The following SPINT2 variants were observed in gnomAD, a reference collection of about 807,000 sequenced individuals.
SPINT2 encodes the protein serine peptidase inhibitor, Kunitz type 2.
In SPINT2, 18 loss-of-function variants were observed where a neutral mutation model predicts 30.1. The ratio of observed to expected loss-of-function variants is 0.60; its 90% CI spans 0.41 to 0.89. The LOEUF is 0.89. SPINT2 is among the 40% of genes least tolerant of loss of function. The probability of loss-of-function intolerance (pLI) is 0.00; values close to 1 mark genes in which losing one functional copy is unlikely to be tolerated. For missense variants in SPINT2, 276 were observed against 334.3 expected, an observed-to-expected ratio of 0.83 and a Z score of 1.36; for synonymous variants, 139 against 137.9, an observed-to-expected ratio of 1.01 and a Z score of -0.05.
intron 1 of SPINT2, among the ~76,000 whole-genome samples, chr19:38,279,643 G>T (rs1210838226): frequency 6.6e-6 from 1 of 152,066 alleles, no homozygotes; most frequent in Non-Finnish European, 1.5e-5. Context: ...TTAATAAAGA[G>T]ACTTTTTCTT....
At position 38,291,782 on chromosome 19, in the gene SPINT2, C is replaced by T. The variant is rs112229900; in HGVS notation, c.593-58C>T. ...GATTCCCCAGGCCCTTGGTGAGCGC[C>T]ACTCTGGCTGCAACTCCCCTTGCCT... On this transcript the variant is annotated intron_variant, in intron 6 of 6. Transcript: ENST00000301244. 3,339 of 1,593,464 alleles carry T rather than the reference C, an allele frequency of 2.1e-3. 72 individuals carry two copies. In the African/African-American group the frequency reaches 0.041, roughly 19 times the overall value.
At position 38,291,949 on chromosome 19, in the gene SPINT2, C is replaced by G; in HGVS notation, c.702C>G (p.Thr234=). ...ARRNQERALR[T]VWSSGDDKEQ... ...GGAACCAGGAGCGTGCCCTGCGCACCGTCTGGAGCTCCGGAGATGACAAGG... is the reference window on the plus strand; with the variant it reads ...GGAACCAGGAGCGTGCCCTGCGCACGGTCTGGAGCTCCGGAGATGACAAGG... The change falls in exon 7 of 7, where the codon ACC becomes ACG. Residue 234 remains threonine (T), a synonymous_variant. Transcript: ENST00000301244. 1 of 1,614,064 alleles carries G rather than the reference C, an allele frequency of 6.2e-7. No individual in the cohort carries two copies. Among genetic ancestry groups the G allele is most frequent in the Non-Finnish European group, 8.5e-7 (1 of 1,180,022 alleles).
At chr19:38,286,398 A>G (rs1968641254) in intron 2 of SPINT2, among the ~76,000 whole-genome samples, 1 of 152,204 alleles carries the variant, frequency 6.6e-6, no homozygotes, top group South Asian at 2.1e-4. Flanking sequence ...TGACCGTTTA[A>G]TAGCATCAGG....
chr19:38,266,301 G>A (rs1968377487), intron 1 of SPINT2, among the ~76,000 whole-genome samples: 1 of 152,026 alleles, frequency 6.6e-6, no homozygotes, highest in African/African-American at 2.4e-5. Context: ...GCTTGAACCC[G>A]GGAGGCGGAT....
intron 1 of SPINT2, among the ~76,000 whole-genome samples, chr19:38,272,442 G>C (rs2146267700): frequency 6.6e-6 from 1 of 152,290 alleles, no homozygotes; most frequent in Non-Finnish European, 1.5e-5. Flanking sequence ...AAAAGGTTGA[G>C]AAACACCATT....
intron 1 of SPINT2, among the ~76,000 whole-genome samples, chr19:38,271,275 A>G (rs985180800): frequency 3.3e-5 from 5 of 151,780 alleles, no homozygotes; most frequent in African/African-American, 1.2e-4. Flanking sequence ...GCGGGTCACG[A>G]GATCAGGAGA....
At position 38,290,064 on chromosome 19, in the gene SPINT2, T is replaced by TTCCC; in HGVS notation, c.392-54_392-51dup. The TTCCC allele has an allele frequency of 6.2e-7, 1 of 1,606,750 alleles. No individual in the cohort carries two copies. Among genetic ancestry groups the TTCCC allele is most frequent in the South Asian group, 1.1e-5 (1 of 90,872 alleles). On this transcript the variant is annotated intron_variant, in intron 4 of 6. Coordinates refer to ENST00000301244, the MANE Select transcript of SPINT2 (RefSeq NM_021102.4). This position sits in a 1 kb window ranked among gnomAD's most constrained non-coding sequence, Gnocchi z 4.3. ...CCTCCTCAGGCACTTTCTGGCTTGCTTCCCCTCCTTGCGGGCCCTACTAAT... is the reference window on the plus strand; with the variant it reads ...CCTCCTCAGGCACTTTCTGGCTTGCTTCCCTCCCCTCCTTGCGGGCCCTACTAAT...
intron 6 of SPINT2, 111 bp from the exon 7 acceptor site, chr19:38,291,729 C>A (rs1968721264): frequency 7.5e-7 from 1 of 1,332,494 alleles, no homozygotes; most frequent in Non-Finnish European, 1.0e-6. Flanking sequence ...TGGGGAGGGG[C>A]ATTTGGTCCT....
chr19:38,271,718 C>A (rs897694358), intron 1 of SPINT2, among the ~76,000 whole-genome samples: 10 of 152,002 alleles, frequency 6.6e-5, no homozygotes, highest in African/African-American at 2.4e-4. Flanking sequence ...CGCCTGGAGG[C>A]TGAGGCAGGA....
chr19:38,282,107 T>G (rs758344383), intron 1 of SPINT2, among the ~76,000 whole-genome samples: 6 of 152,236 alleles, frequency 3.9e-5, no homozygotes, highest in Non-Finnish European at 8.8e-5. Flanking sequence ...ATGTATGTGT[T>G]TGTTTGTTTT....
chr19:38,281,990 A>G (rs570612897), intron 1 of SPINT2, among the ~76,000 whole-genome samples: 82 of 152,292 alleles, frequency 5.4e-4, no homozygotes, highest in Middle Eastern at 3.4e-3. Context: ...GTGACTTTTC[A>G]TGGTTAGCTT....
intron 2 of SPINT2, among the ~76,000 whole-genome samples, chr19:38,286,811 TA>T (rs956615317): frequency 2.0e-5 from 3 of 152,032 alleles, no homozygotes; most frequent in Admixed American, 1.3e-4. Flanking sequence ...TGTTAACCTT[TA>T]AAAAAAGTGT....
intron 1 of SPINT2, among the ~76,000 whole-genome samples, chr19:38,269,529 C>T (rs1388267300): frequency 6.6e-6 from 1 of 150,720 alleles, no homozygotes; most frequent in African/African-American, 2.4e-5. Context: ...CCTCATCCGC[C>T]TGAGTAGCTG....
intron 1 of SPINT2, among the ~76,000 whole-genome samples, chr19:38,280,866 A>G (rs751621693): frequency 8.1e-4 from 123 of 152,176 alleles, no homozygotes; most frequent in Non-Finnish European, 1.6e-3. Context: ...TTTAAGGTGT[A>G]CAATATTCCC....
intron 1 of SPINT2, among the ~76,000 whole-genome samples, chr19:38,276,961 C>T (rs1041149905): frequency 7.9e-5 from 12 of 151,844 alleles, no homozygotes; most frequent in Non-Finnish European, 8.8e-5. Context: ...CTACCACACC[C>T]GGCTAATTTT....
Position 38,287,907 on chromosome 19 carries a change from G to A in SPINT2, c.309G>A (p.Arg103=), listed in dbSNP as rs1968661887. The change falls in exon 3 of 7, where the codon AGG becomes AGA. Residue 103 remains arginine, a synonymous_variant. Coordinates refer to ENST00000301244, the MANE Select transcript of SPINT2 (RefSeq NM_021102.4). ...CCACGGGTGACCTGGCCACCAGCAG[G>A]AATGCAGCGGATTCCTCTGTCCCAA... ...ENATGDLATS[R]NAADSSVPSA... 6.2e-7 allele frequency: 1 copy of A among 1,614,220 alleles called. No individual in the cohort carries two copies. The highest frequency in any genetic ancestry group is 8.5e-7 in the Non-Finnish European group (1 of 1,180,048).
At chr19:38,286,372 G>T (rs1479907735) in intron 2 of SPINT2, among the ~76,000 whole-genome samples, 6 of 152,226 alleles carry the variant, frequency 3.9e-5, no homozygotes, top group Non-Finnish European at 8.8e-5. Flanking sequence ...AGAACGCGGG[G>T]AGCTGGTTTG....
At chr19:38,265,160 A>G (rs914279326) in intron 1 of SPINT2, among the ~76,000 whole-genome samples, 162 bp downstream of exon 1, 7 of 152,196 alleles carry the variant, frequency 4.6e-5, no homozygotes, top group African/African-American at 7.2e-5. Context: ...GAGCCTTGAA[A>G]TGAGGTTTGG....
intron 1 of SPINT2, 101 bp downstream of exon 1, chr19:38,265,099 G>A: frequency 1.0e-6 from 1 of 994,458 alleles, no homozygotes. Flanking sequence ...AGGAAACTGG[G>A]GGCTACTTGA....
Sources: gnomAD v4.1 joint callset for allele counts (sites outside exome capture counted in the v4.1 genomes callset) on GRCh38, gnomAD v4.1.1 for gene constraint, Gnocchi (gnomAD v3.1) non-coding constraint, MANE v1.5 for transcripts, NCBI Gene and HGNC (gene_info 2026-07-23, HGNC 2026-07-21) for gene names.